Variants in MAOA observed in about 807,000 individuals in gnomAD.
The protein encoded by MAOA is monoamine oxidase A.
A neutral mutation model predicts 42.0 loss-of-function variants in MAOA; 6 were observed. That is an observed-to-expected ratio of 0.14 (90% CI 0.08 to 0.28). MAOA has a LOEUF of 0.28. Among genes scored for constraint, MAOA ranks in the 10% least tolerant of loss-of-function variants. The pLI, the probability that MAOA is intolerant of heterozygous loss-of-function variation, is 1.00. For synonymous variants in MAOA, 140 were observed against 154.0 expected (o/e 0.91, Z 0.67); for missense variants, 262 against 422.3 (o/e 0.62, Z 3.33).
chrX:43,719,831 A>G (rs914411249), intron 5 of MAOA, among the ~76,000 whole-genome samples: 11 of 109,930 alleles, frequency 1.0e-4, no homozygotes, highest in African/African-American at 3.7e-4. Flanking sequence ...CGTTTTGGGG[A>G]GGAGGCGGTA....
chrX:43,683,381 G>A, intron 1 of MAOA, 132 bp from the exon 2 acceptor site: 1 of 523,489 alleles, frequency 1.9e-6, no homozygotes, highest in South Asian at 2.6e-5. Context: ...AGTGTGGTCA[G>A]AATTTATTAG....
chrX:43,705,051 T>C (rs2033649512), intron 3 of MAOA, among the ~76,000 whole-genome samples: 1 of 111,833 alleles, frequency 8.9e-6, no homozygotes. Context: ...TTTAACACAA[T>C]CCCTTTCAAG....
chrX:43,726,194 AT>A (rs1569199928), intron 5 of MAOA, among the ~76,000 whole-genome samples: 1 of 111,233 alleles, frequency 9.0e-6, no homozygotes. Flanking sequence ...TGTTTTCTGT[AT>A]TTCCTGAATT....
At chrX:43,705,032 A>G (rs1018605216) in intron 3 of MAOA, among the ~76,000 whole-genome samples, 1 of 112,065 alleles carries the variant, frequency 8.9e-6, no homozygotes, top group African/African-American at 3.2e-5. Context: ...TCCCAAATTG[A>G]ACTACGTTTT....
chrX:43,709,419 T>C (rs1168738847), intron 3 of MAOA, among the ~76,000 whole-genome samples: 1 of 111,345 alleles, frequency 9.0e-6, no homozygotes, highest in Admixed American at 9.6e-5. Context: ...TTTATTTATT[T>C]ATTTATTTAA....
rs368285679 is a variant in MAOA, at chrX:43,744,092, T to C, written c.1375-17T>C. The C allele has an allele frequency of 3.8e-4, 459 of 1,204,560 alleles. No homozygotes were observed. The highest frequency in any genetic ancestry group is 8.1e-4 in the Admixed American group (37 of 45,611). The stretch of plus-strand genomic sequence containing the variant: ...TATACAGCCTCTTTTCATAATACCA[T>C]GGTGACTTTCTTTCAGGTCTTAAAT... On this transcript the variant is annotated splice_polypyrimidine_tract_variant and intron_variant, in intron 13 of 14. Transcript: ENST00000338702.
rs753406645 is a variant in MAOA at position 43,744,136 on chromosome X, G to A, written c.1402G>A (p.Glu468Lys). Residue 468 changes from glutamate to lysine, a missense_variant, in exon 14 of 15, where the codon GAG (glutamate) becomes AAG (lysine). Transcript: ENST00000338702. Reference sequence around the variant, plus strand: ...CTTAAATGGTCTCGGGAAGGTGACCGAGAAAGATATCTGGGTACAAGAACC... The same window carrying A: ...CTTAAATGGTCTCGGGAAGGTGACCAAGAAAGATATCTGGGTACAAGAACC... ...EVLNGLGKVT[E>K]KDIWVQEPES... The A allele has an allele frequency of 7.5e-6, 9 of 1,206,956 alleles. No homozygotes were observed. Among genetic ancestry groups the A allele is most frequent in the East Asian group, 3.0e-5 (1 of 33,704 alleles).
chrX:43,669,277 G>T (rs889658087), intron 1 of MAOA, among the ~76,000 whole-genome samples: 6 of 107,326 alleles, frequency 5.6e-5, no homozygotes, highest in African/African-American at 1.4e-4. Flanking sequence ...AAATACCCTG[G>T]CGTGGTGGTG....
intron 1 of MAOA, among the ~76,000 whole-genome samples, chrX:43,676,062 GCAGGCAGGC>G (rs1196594778): frequency 8.9e-6 from 1 of 112,366 alleles, no homozygotes; most frequent in Non-Finnish European, 1.9e-5. Flanking sequence ...GCCTACAGAG[GCAGGCAGGC>G]CTCCTTGAGC....
chrX:43,717,431 G>C (rs1217275592), intron 5 of MAOA, among the ~76,000 whole-genome samples: 1 of 111,820 alleles, frequency 8.9e-6, no homozygotes, highest in African/African-American at 3.3e-5. Context: ...AAGCCTGACT[G>C]GTGTGGCAGG....
At chrX:43,724,980 G>A (rs148052670) in intron 5 of MAOA, among the ~76,000 whole-genome samples, 7,759 of 111,488 alleles carry the variant, frequency 0.07, 646 homozygotes, top group African/African-American at 0.24. Flanking sequence ...GTAGTTGTGC[G>A]GTTTTGAGTG....
intron 7 of MAOA, 150 bp from the exon 8 acceptor site, chrX:43,731,544 C>G (rs1280451646): frequency 3.6e-5 from 31 of 849,815 alleles, no homozygotes; most frequent in Non-Finnish European, 6.8e-6. Flanking sequence ...CTACCTTGAT[C>G]TGTTTTGTTG....
intron 5 of MAOA, among the ~76,000 whole-genome samples, chrX:43,725,178 G>A (rs1410571543): frequency 8.9e-6 from 1 of 111,821 alleles, no homozygotes; most frequent in Non-Finnish European, 1.9e-5. Flanking sequence ...TTCTGTAGAT[G>A]TCTGTTAGGT....
At chrX:43,681,880 A>ATATAT (rs1337382916) in intron 1 of MAOA, among the ~76,000 whole-genome samples, 2,865 of 87,474 alleles carry the variant, frequency 0.033, 173 homozygotes, top group African/African-American at 0.12. Flanking sequence ...ATATATATAT[A>ATATAT]TTTTTTTTTT....
At chrX:43,676,039 C>A (rs2033392111) in intron 1 of MAOA, among the ~76,000 whole-genome samples, 1 of 112,316 alleles carries the variant, frequency 8.9e-6, no homozygotes, top group Non-Finnish European at 1.9e-5. Flanking sequence ...TGTGCCCTGC[C>A]CCCAGAGTTG....
intron 1 of MAOA, among the ~76,000 whole-genome samples, chrX:43,670,400 G>T (rs1211405137): frequency 9.0e-6 from 1 of 111,172 alleles, no homozygotes; most frequent in Non-Finnish European, 1.9e-5. Flanking sequence ...CATTGAATTT[G>T]TGAGTGTTTT....
intron 5 of MAOA, among the ~76,000 whole-genome samples, chrX:43,719,239 G>T (rs1318439890): frequency 9.0e-6 from 1 of 111,612 alleles, no homozygotes; most frequent in Non-Finnish European, 1.9e-5. Flanking sequence ...GGGGTAGAGG[G>T]AAATAGGAAG....
At chrX:43,655,051 C>A (rs769399010), upstream of MAOA, 47 of 113,301 alleles carry the variant, frequency 4.1e-4, no homozygotes, top group Admixed American at 2.4e-3. Context: ...CAGCGCCCAG[C>A]GTGCTCCAGA....
At chrX:43,713,848 G>T (rs748691408) in intron 5 of MAOA, among the ~76,000 whole-genome samples, 6 of 111,863 alleles carry the variant, frequency 5.4e-5, no homozygotes, top group Admixed American at 3.8e-4. Context: ...ATCGGGGCAG[G>T]GGGGAGTCAG....
Sources: allele counts gnomAD v4.1 joint callset (sites outside exome capture counted in the v4.1 genomes callset), GRCh38; gene constraint gnomAD v4.1.1; transcripts MANE v1.5; gene names NCBI Gene and HGNC (gene_info 2026-07-23, HGNC 2026-07-21).